NRXN3: variants seen among roughly 807,000 people sequenced by gnomAD.
The protein encoded by NRXN3 is neurexin III.
A neutral mutation model predicts 137.6 loss-of-function variants in NRXN3; 32 were observed. The ratio of observed to expected loss-of-function variants is 0.23; its 90% CI spans 0.18 to 0.31. The LOEUF (loss-of-function observed/expected upper bound fraction) is 0.31, where lower values mean the gene tolerates loss of function less well. Ranked by LOEUF, NRXN3 falls within the 10% of genes least tolerant of loss-of-function variation. The pLI, the probability that NRXN3 is intolerant of heterozygous loss-of-function variation, is 1.00. For synonymous variants in NRXN3, 798 were observed against 784.5 expected, an observed-to-expected ratio of 1.02 and a Z score of -0.29; for missense variants, 1,574 against 2,062.5, an observed-to-expected ratio of 0.76 and a Z score of 4.59.
intron 15 of NRXN3, among the ~76,000 whole-genome samples, chr14:79,185,257 C>T (rs17595443): frequency 0.071 from 10,773 of 152,210 alleles, 645 homozygotes; most frequent in Admixed American, 0.2. Context: ...AGTCACTCCA[C>T]GCTCTGAGTT....
At chr14:78,392,034 A>G (rs1598157786) in intron 4 of NRXN3, among the ~76,000 whole-genome samples, 2 of 152,322 alleles carry the variant, frequency 1.3e-5, no homozygotes, top group African/African-American at 4.8e-5. Flanking sequence ...ACCAAGAGAA[A>G]GGAAAACGTG....
intron 2 of NRXN3, among the ~76,000 whole-genome samples, chr14:78,254,757 A>G (rs2069243706): frequency 6.6e-6 from 1 of 152,192 alleles, no homozygotes; most frequent in South Asian, 2.1e-4. Flanking sequence ...TTGCCTAACA[A>G]GCCCATCATG....
At chr14:78,600,381 T>C (rs1228485792) in intron 4 of NRXN3, among the ~76,000 whole-genome samples, 2 of 152,178 alleles carry the variant, frequency 1.3e-5, no homozygotes, top group Non-Finnish European at 2.9e-5. Context: ...AAGTCAAAAA[T>C]GTGTGTCTCT....
chr14:79,241,632 G>T (rs562402219), intron 15 of NRXN3, among the ~76,000 whole-genome samples: 1 of 152,154 alleles, frequency 6.6e-6, no homozygotes, highest in Admixed American at 6.6e-5. Context: ...GTGAGATTTC[G>T]ATGGGGAAAC....
At chr14:78,238,448 C>T (rs912127546) in intron 1 of NRXN3, among the ~76,000 whole-genome samples, 2 of 152,154 alleles carry the variant, frequency 1.3e-5, no homozygotes, top group African/African-American at 4.8e-5. Flanking sequence ...GGCTCCCTGG[C>T]TCCCGTTTTG....
intron 17 of NRXN3, among the ~76,000 whole-genome samples, chr14:79,684,223 C>A (rs1043974869): frequency 6.6e-6 from 1 of 152,076 alleles, no homozygotes; most frequent in South Asian, 2.1e-4. Context: ...GATATAAATA[C>A]CTGTTGGACG....
chr14:79,721,482 C>T (rs746403150), intron 19 of NRXN3, among the ~76,000 whole-genome samples: 2 of 152,096 alleles, frequency 1.3e-5, no homozygotes, highest in Non-Finnish European at 2.9e-5. Flanking sequence ...CTAACAAGAG[C>T]ACTGTATCTT....
intron 15 of NRXN3, among the ~76,000 whole-genome samples, chr14:79,219,098 A>T (rs1447057828): frequency 6.6e-6 from 1 of 152,090 alleles, no homozygotes; most frequent in Non-Finnish European, 1.5e-5. Flanking sequence ...TATAAATGTT[A>T]GTAAAACACA....
chr14:78,726,161 C>CT (rs762626901), intron 8 of NRXN3, among the ~76,000 whole-genome samples: 37 of 152,234 alleles, frequency 2.4e-4, no homozygotes, highest in Non-Finnish European at 3.8e-4. Context: ...ACTGAAGTCC[C>CT]TTTTTTGAAA....
At chr14:78,875,029 T>C (rs1350125359) in intron 10 of NRXN3, among the ~76,000 whole-genome samples, 2 of 152,090 alleles carry the variant, frequency 1.3e-5, no homozygotes, top group Non-Finnish European at 2.9e-5. Flanking sequence ...GCGAAATGAA[T>C]ATAGTTGGAG....
chr14:79,057,554 T>C (rs7157779), intron 15 of NRXN3, among the ~76,000 whole-genome samples: 50,165 of 152,060 alleles, frequency 0.33, 8,795 homozygotes, highest in Admixed American at 0.47. Flanking sequence ...GTAAGGAAGA[T>C]GACTAAACTG....
At chr14:78,711,143 G>A (rs1410779090) in intron 7 of NRXN3, among the ~76,000 whole-genome samples, 3 of 151,828 alleles carry the variant, frequency 2.0e-5, no homozygotes, top group Non-Finnish European at 2.9e-5. Context: ...ATGTGTTTGG[G>A]ATCTCTGAGG....
rs189354372 is a variant in NRXN3 at position 78,347,810 on chromosome 14, G to A, written c.757+49950G>A. 9.3e-4 allele frequency among the ~76,000 whole-genome samples: 142 copies of A among 152,202 alleles called. 1 individual carries two copies. Among genetic ancestry groups the A allele is most frequent in the Middle Eastern group, 3.4e-3 (1 of 294 alleles). On this transcript the variant is annotated intron_variant, in intron 4 of 20. Transcript: ENST00000335750. Reference sequence around the variant, plus strand: ...TGTGTACTTAGTATATCAGAAGCTCGTGATTTCCTCACCATTGAAAGGGAG... The same window carrying A: ...TGTGTACTTAGTATATCAGAAGCTCATGATTTCCTCACCATTGAAAGGGAG...
At chr14:79,135,109 T>C (rs906796998) in intron 15 of NRXN3, among the ~76,000 whole-genome samples, 1 of 152,210 alleles carries the variant, frequency 6.6e-6, no homozygotes, top group Admixed American at 6.5e-5. Flanking sequence ...GTACATGATA[T>C]GGAATGAGAC....
intron 4 of NRXN3, among the ~76,000 whole-genome samples, chr14:78,306,223 C>T (rs2077358002): frequency 6.6e-6 from 1 of 152,108 alleles, no homozygotes; most frequent in South Asian, 2.1e-4. Context: ...TTTCCTCCTC[C>T]TCAATGATCA....
At chr14:78,670,075 T>A (rs796245047) in intron 6 of NRXN3, among the ~76,000 whole-genome samples, 4 of 152,136 alleles carry the variant, frequency 2.6e-5, no homozygotes, top group African/African-American at 7.2e-5. Flanking sequence ...GTGTTCTCAT[T>A]GTTCAACTCC....
intron 4 of NRXN3, among the ~76,000 whole-genome samples, chr14:78,635,373 C>T (rs1484148322): frequency 6.6e-6 from 1 of 152,060 alleles, no homozygotes; most frequent in South Asian, 2.1e-4. Context: ...ACCTTCATGA[C>T]TTCTATATTA....
intron 8 of NRXN3, among the ~76,000 whole-genome samples, chr14:78,775,878 A>G (rs574813167): frequency 6.6e-6 from 1 of 152,364 alleles, no homozygotes; most frequent in South Asian, 2.1e-4. Context: ...CATTCCAGAA[A>G]TAAACAACTT....
At chr14:79,121,960 T>C (rs756557578) in intron 15 of NRXN3, among the ~76,000 whole-genome samples, 3 of 152,234 alleles carry the variant, frequency 2.0e-5, no homozygotes, top group Admixed American at 6.5e-5. Flanking sequence ...TTTTTAACTT[T>C]GTAGCTTCAG....
Sources: allele counts gnomAD v4.1 joint callset (sites outside exome capture counted in the v4.1 genomes callset), GRCh38; gene constraint gnomAD v4.1.1; transcripts MANE v1.5; gene names NCBI Gene and HGNC (gene_info 2026-07-23, HGNC 2026-07-21).